Variants in COL8A1 observed in about 807,000 individuals in gnomAD.
COL8A1 encodes collagen type VIII alpha 1 chain.
COL8A1 carries 21 observed loss-of-function variants against 42.7 expected under a neutral mutation model. The ratio of observed to expected loss-of-function variants is 0.49; its 90% CI spans 0.35 to 0.71. The LOEUF is 0.71. Ranked by LOEUF, COL8A1 falls within the 30% of genes least tolerant of loss-of-function variation. The probability of loss-of-function intolerance (pLI) is 0.01; values close to 1 mark genes in which losing one functional copy is unlikely to be tolerated. For missense variants in COL8A1, 788 were observed against 962.4 expected (o/e 0.82, Z 2.40); for synonymous variants, 367 against 369.1 (o/e 0.99, Z 0.06).
At chr3:99,666,357 TC>T (rs1436292460) in intron 1 of COL8A1, among the ~76,000 whole-genome samples, 2 of 151,788 alleles carry the variant, frequency 1.3e-5, no homozygotes, top group African/African-American at 2.4e-5. Context: ...TCAAAATGTC[TC>T]AGCTCCTGGC....
chr3:99,709,372 T>G (rs1399959291), intron 1 of COL8A1, among the ~76,000 whole-genome samples: 1 of 152,158 alleles, frequency 6.6e-6, no homozygotes, highest in Non-Finnish European at 1.5e-5. Flanking sequence ...TGTCTAACCC[T>G]GCATCATACT....
At chr3:99,685,610 T>C (rs1939026386) in intron 1 of COL8A1, 1 of 152,220 alleles carries the variant, frequency 6.6e-6, no homozygotes, top group Middle Eastern at 3.2e-3. Context: ...TTCTCCTATG[T>C]TGGTTTTCCA....
intron 1 of COL8A1, among the ~76,000 whole-genome samples, chr3:99,692,417 C>A (rs1939247351): frequency 6.6e-6 from 1 of 152,178 alleles, no homozygotes; most frequent in African/African-American, 2.4e-5. Flanking sequence ...TTGTATATTC[C>A]CTGGTAACAA....
At chr3:99,752,840 G>T (rs1173214528) in intron 2 of COL8A1, among the ~76,000 whole-genome samples, 1 of 152,078 alleles carries the variant, frequency 6.6e-6, no homozygotes, top group East Asian at 1.9e-4. Context: ...TCATGAGTAG[G>T]TATCAGGCTA....
chr3:99,685,069 A>T (rs1298416042), intron 1 of COL8A1, among the ~76,000 whole-genome samples: 3 of 152,208 alleles, frequency 2.0e-5, no homozygotes, highest in Non-Finnish European at 4.4e-5. Context: ...TTAGTACCTC[A>T]TTCTGAGGAA....
rs777363083 is a variant in COL8A1 at position 99,795,698 on chromosome 3, T to C, written c.1797T>C (p.His599=). 11 of 1,613,952 alleles carry C rather than the reference T, an allele frequency of 6.8e-6. No individual in the cohort carries two copies. In the East Asian group the frequency reaches 8.9e-5, roughly 13 times the overall value. The part of the protein sequence containing the change: ...GLGIDGVKPP[H]AYGAKKGKNG... ...GAATTGATGGCGTGAAACCCCCCCA[T>C]GCCTACGGGGCTAAGAAAGGCAAGA... The change falls in exon 4 of 4, where the codon CAT becomes CAC. Residue 599 remains histidine, a synonymous_variant. Transcript: ENST00000652472.
intron 1 of COL8A1, chr3:99,677,865 G>A (rs1938749508): frequency 6.6e-6 from 1 of 152,198 alleles, no homozygotes; most frequent in African/African-American, 2.4e-5. Flanking sequence ...ATTACCCAGA[G>A]TGTGCTGGCA....
chr3:99,730,549 A>G (rs1940474184), intron 1 of COL8A1, among the ~76,000 whole-genome samples: 1 of 152,126 alleles, frequency 6.6e-6, no homozygotes, highest in African/African-American at 2.4e-5. Flanking sequence ...TGGAGTCATT[A>G]AGACGTCTCA....
chr3:99,691,571 G>A (rs1939219834), intron 1 of COL8A1: 1 of 151,900 alleles, frequency 6.6e-6, no homozygotes, highest in Non-Finnish European at 1.5e-5. Context: ...ACCCCCAGGT[G>A]GGCCAGTACA....
At chr3:99,700,919 C>A (rs1158844862) in intron 1 of COL8A1, among the ~76,000 whole-genome samples, 1 of 152,208 alleles carries the variant, frequency 6.6e-6, no homozygotes, top group African/African-American at 2.4e-5. Flanking sequence ...GCCTGACTTA[C>A]ACTTGGTAAG....
At chr3:99,675,130 T>C (rs1030370176) in intron 1 of COL8A1, among the ~76,000 whole-genome samples, 7 of 152,006 alleles carry the variant, frequency 4.6e-5, no homozygotes, top group Non-Finnish European at 8.8e-5. Flanking sequence ...ACTGTGTGCT[T>C]CTAGCATTAG....
At chr3:99,764,695 TTTTTTC>T (rs1209050512) in intron 2 of COL8A1, among the ~76,000 whole-genome samples, 2 of 45,230 alleles carry the variant, frequency 4.4e-5, no homozygotes, top group African/African-American at 1.9e-4. Flanking sequence ...TTTTTTTCTT[TTTTTTC>T]TTTTTTTTTT....
Position 99,795,953 on chromosome 3 carries a change from C to T in COL8A1, c.2052C>T (p.Pro684=), listed in dbSNP as rs140332231. ...TTGCTCTATTCAAGAACAACGAGCC[C>T]GTGATGTACACGTACGACGAGTACA... ...VWVALFKNNE[P]VMYTYDEYKK... is the part of the protein sequence containing the mutation. The change falls in exon 4 of 4, where the codon CCC becomes CCT. Residue 684 remains proline (P), a synonymous_variant. Transcript: ENST00000652472. 27 of 1,613,936 alleles carry T rather than the reference C, an allele frequency of 1.7e-5. No homozygotes were observed. In the South Asian group the frequency reaches 2.0e-4, roughly 12 times the overall value.
At chr3:99,730,709 G>A (rs1032005313) in intron 1 of COL8A1, among the ~76,000 whole-genome samples, 1 of 152,120 alleles carries the variant, frequency 6.6e-6, no homozygotes, top group African/African-American at 2.4e-5. Flanking sequence ...GGTGAGAAGT[G>A]AACGTTATTC....
intron 1 of COL8A1, among the ~76,000 whole-genome samples, chr3:99,668,642 A>T (rs1938437169): frequency 6.6e-6 from 1 of 152,126 alleles, no homozygotes; most frequent in Non-Finnish European, 1.5e-5. Flanking sequence ...CACATTAAAA[A>T]AACCTGACCC....
chr3:99,663,631 C>A (rs1180535206), intron 1 of COL8A1, among the ~76,000 whole-genome samples: 1 of 152,122 alleles, frequency 6.6e-6, no homozygotes, highest in Non-Finnish European at 1.5e-5. Flanking sequence ...TACTTACTGT[C>A]ATTTTCCCTA....
chr3:99,643,505 T>C (rs573319404), intron 1 of COL8A1, among the ~76,000 whole-genome samples: 27 of 152,322 alleles, frequency 1.8e-4, no homozygotes, highest in African/African-American at 6.3e-4. Context: ...CTTTCTTACT[T>C]GTAGAAAATA....
At chr3:99,793,266 A>G (rs1942036445) in intron 3 of COL8A1, among the ~76,000 whole-genome samples, 1 of 152,210 alleles carries the variant, frequency 6.6e-6, no homozygotes, top group Admixed American at 6.5e-5. Context: ...AAAATCACTG[A>G]AAGAGTAAAT....
intron 1 of COL8A1, among the ~76,000 whole-genome samples, chr3:99,729,421 A>T (rs995757804): frequency 2.0e-5 from 3 of 151,974 alleles, no homozygotes; most frequent in African/African-American, 4.8e-5. Flanking sequence ...TGAACTTTGA[A>T]ACCATTAAAT....
Sources: allele counts gnomAD v4.1 joint callset (sites outside exome capture counted in the v4.1 genomes callset), GRCh38; gene constraint gnomAD v4.1.1; transcripts MANE v1.5; gene names NCBI Gene and HGNC (gene_info 2026-07-23, HGNC 2026-07-21).